The following HPS3 variants were observed in gnomAD, a reference collection of about 807,000 sequenced individuals.
The protein encoded by HPS3 is BLOC-2 complex member HPS3.
A neutral mutation model predicts 110.9 loss-of-function variants in HPS3; 79 were observed. That is an observed-to-expected ratio of 0.71 (90% CI 0.59 to 0.86). The LOEUF is 0.86. Among genes scored for constraint, HPS3 ranks in the 40% least tolerant of loss-of-function variants. The pLI is 0.00. For synonymous variants in HPS3, 428 were observed against 451.0 expected, an observed-to-expected ratio of 0.95 and a Z score of 0.65; for missense variants, 1,197 against 1,206.2, an observed-to-expected ratio of 0.99 and a Z score of 0.11.
intron 8 of HPS3, among the ~76,000 whole-genome samples, chr3:149,156,147 G>C (rs552134311): frequency 3.3e-5 from 5 of 152,272 alleles, no homozygotes; most frequent in African/African-American, 9.6e-5. Flanking sequence ...TATGCACTCT[G>C]TGCTTTCTGT....
At chr3:149,151,587 TAAAAAAAA>T (rs1167453087) in intron 6 of HPS3, among the ~76,000 whole-genome samples, 2 of 40,340 alleles carry the variant, frequency 5.0e-5, no homozygotes, top group Admixed American at 3.4e-4. Context: ...GCTTGGTTTC[TAAAAAAAA>T]AAAAAAAAAA....
rs1724010028 is a variant in HPS3 at position 149,162,790 on chromosome 3, T to C, written c.2393T>C (p.Leu798Pro). ...CTCCCAGATGTGGTACTTCAGGAAC[T>C]CTTTTTCAAACTCACATCACAGTAC... ...ACLPDVVLQE[L>P]FFKLTSQYIW... The change falls in exon 13 of 17, where the codon CTC becomes CCC. Residue 798 changes from leucine (L) to proline (P), a missense_variant. Leu to Pro is a moderately conservative substitution (Grantham distance 98). Transcript: ENST00000296051. The C allele has an allele frequency of 1.2e-6, 2 of 1,613,930 alleles. No individual in the cohort carries two copies. The highest frequency in any genetic ancestry group is 1.7e-6 in the Non-Finnish European group (2 of 1,179,958).
chr3:149,130,249 C>CA (rs1256409214), intron 1 of HPS3: 2 of 481,048 alleles, frequency 4.2e-6, no homozygotes, highest in African/African-American at 2.0e-5. Flanking sequence ...CAAACAACAA[C>CA]AAAAAACTCT....
Position 149,129,763 on chromosome 3 carries a change from C to T in HPS3, c.40C>T (p.Gln14Ter). 6.2e-7 allele frequency: 1 copy of T among 1,607,418 alleles called. No individual in the cohort carries two copies. Among genetic ancestry groups the T allele is most frequent in the African/African-American group, 1.3e-5 (1 of 74,944 alleles). The change falls in exon 1 of 17, where the codon CAG (glutamine) becomes TAG (stop). Residue 14 changes from glutamine (Q) to a stop codon, truncating the protein, a stop_gained. Coordinates refer to ENST00000296051, the MANE Select transcript of HPS3 (RefSeq NM_032383.5). LOFTEE classifies it high-confidence loss of function. ...LYNLHPFGSQ[Q>*]VVPCKLEPDR... Reference sequence around the variant, plus strand: ...CAACCTGCACCCGTTCGGGTCGCAGCAGGTGGTGCCCTGCAAGCTGGAGCC... The same window carrying T: ...CAACCTGCACCCGTTCGGGTCGCAGTAGGTGGTGCCCTGCAAGCTGGAGCC...
At position 149,141,346 on chromosome 3, in the gene HPS3, A is replaced by G. The variant is rs1226124941; in HGVS notation, c.936A>G (p.Leu312=). 9.9e-6 allele frequency: 16 copies of G among 1,613,908 alleles called. No individual in the cohort carries two copies. The highest frequency in any genetic ancestry group is 1.3e-5 in the Non-Finnish European group (15 of 1,179,930). Residue 312 remains leucine, a synonymous_variant, in exon 4 of 17, where the codon CTA becomes CTG. Coordinates refer to ENST00000296051, the MANE Select transcript of HPS3 (RefSeq NM_032383.5). ...SSYVLSDDIK[L]HSLQLLPIYQ... ...ATGTCTTGTCTGATGACATCAAGCTACATTCCCTCCAGCTGCTACCCATTT... is the reference window on the plus strand; with the variant it reads ...ATGTCTTGTCTGATGACATCAAGCTGCATTCCCTCCAGCTGCTACCCATTT...
At chr3:149,154,952 T>C (rs2108154853) in intron 7 of HPS3, among the ~76,000 whole-genome samples, 155 bp from the exon 8 acceptor site, 1 of 152,346 alleles carries the variant, frequency 6.6e-6, no homozygotes, top group Middle Eastern at 3.4e-3. Flanking sequence ...TATTGTGAAC[T>C]AATATTCCAT....
At chr3:149,158,282 G>C (rs1452742471) in intron 9 of HPS3, among the ~76,000 whole-genome samples, 2 of 152,140 alleles carry the variant, frequency 1.3e-5, no homozygotes, top group African/African-American at 4.8e-5. Flanking sequence ...TTATTTTAGA[G>C]TCCGATCATG....
intron 9 of HPS3, 45 bp from the exon 10 acceptor site, chr3:149,158,621 T>G (rs780646096): frequency 6.4e-7 from 1 of 1,566,584 alleles, no homozygotes; most frequent in Non-Finnish European, 8.8e-7. Flanking sequence ...GACCCCGTCT[T>G]TAAAAAAGTG....
rs1417696233 is a variant in HPS3, at chr3:149,172,632, A to C, written c.*410A>C. The C allele has an allele frequency of 6.4e-6, 1 of 155,830 alleles. No individual in the cohort carries two copies. Among genetic ancestry groups the C allele is most frequent in the Non-Finnish European group, 1.4e-5 (1 of 70,188 alleles). The allele number at this position is 155,830 out of a possible 1,614,324, so 9.7% of individuals were successfully genotyped here. A position where few individuals can be genotyped will look rare whatever the true frequency, so the allele number is the denominator to read the frequency against. Reference sequence around the variant, plus strand: ...CAAGTATGCTTGAAAGAATGTCACTAACTGGTCCAGAATTTTATCTTCTTG... The same window carrying C: ...CAAGTATGCTTGAAAGAATGTCACTCACTGGTCCAGAATTTTATCTTCTTG... On this transcript the variant is annotated 3_prime_UTR_variant, in exon 17 of 17. Transcript: ENST00000296051.
At chr3:149,143,944 A>G (rs59959154) in intron 4 of HPS3, among the ~76,000 whole-genome samples, 7,535 of 152,296 alleles carry the variant, frequency 0.049, 243 homozygotes, top group South Asian at 0.14. Flanking sequence ...CGTACCCATC[A>G]AACAGCTTCA....
chr3:149,132,906 A>G (rs1286601305), intron 1 of HPS3, among the ~76,000 whole-genome samples: 1 of 152,214 alleles, frequency 6.6e-6, no homozygotes, highest in Non-Finnish European at 1.5e-5. Context: ...ACTTAGGTGG[A>G]TGAAATAACA....
At chr3:149,131,133 A>C (rs1383813589) in intron 1 of HPS3, among the ~76,000 whole-genome samples, 2 of 150,696 alleles carry the variant, frequency 1.3e-5, no homozygotes, top group African/African-American at 5.0e-5. Context: ...AAAAAAAAAA[A>C]AAAAAAACAA....
Position 149,158,855 on chromosome 3 carries a change from AGTTTTCT to A in HPS3, c.1872+17_1872+23del. The A allele has an allele frequency of 6.5e-7, 1 of 1,537,990 alleles. No individual in the cohort carries two copies. Among genetic ancestry groups the A allele is most frequent in the East Asian group, 2.2e-5 (1 of 44,478 alleles). ...ATGAAGAATTAAATGAAGTGATTAT[AGTTTTCT>A]GTTTTCTATCTAATATTTTTAACAT... On this transcript the variant is annotated intron_variant, in intron 10 of 16. Coordinates refer to ENST00000296051, the MANE Select transcript of HPS3 (RefSeq NM_032383.5).
chr3:149,170,113 AG>A lies in HPS3; in HGVS notation c.2888-1980del, dbSNP rs1724826887. On this transcript the variant is annotated intron_variant, in intron 16 of 16. Coordinates refer to ENST00000296051, the MANE Select transcript of HPS3 (RefSeq NM_032383.5). Reference sequence around the variant, plus strand: ...AATAAAAACCTCAAAGGATTCTAGAAGGAATTAAAGAGAAGTTATACATGAA... The same window carrying A: ...AATAAAAACCTCAAAGGATTCTAGAAGAATTAAAGAGAAGTTATACATGAA... Among the ~76,000 whole-genome samples the A allele has an allele frequency of 2.6e-5, 4 of 152,224 alleles. 1 individual carries two copies. The South Asian group carries it at 8.3e-4, about 32-fold the overall frequency.
chr3:149,157,430 A>C lies in HPS3; in HGVS notation c.1590A>C (p.Arg530=), dbSNP rs778010021. Residue 530 remains arginine (R), a synonymous_variant, in exon 9 of 17, where the codon CGA becomes CGC. Coordinates refer to ENST00000296051, the MANE Select transcript of HPS3 (RefSeq NM_032383.5). ...TCAGTGAGGCTCATCTGTTAGTGCG[A>C]GCTGCCCTGATGGATGCCAGTCAGC... is the stretch of plus-strand genomic sequence containing the variant. ...HLLSEAHLLV[R]AALMDASQLE... is the part of the protein sequence containing the mutation. The C allele has an allele frequency of 2.5e-6, 4 of 1,613,810 alleles. No individual in the cohort carries two copies. The East Asian group carries it at 8.9e-5, about 36-fold the overall frequency.
At chr3:149,154,696 C>A (rs1199319817) in intron 7 of HPS3, among the ~76,000 whole-genome samples, 1 of 152,190 alleles carries the variant, frequency 6.6e-6, no homozygotes, top group Non-Finnish European at 1.5e-5. Context: ...TCATCATATT[C>A]TCAGCAGCCA....
At chr3:149,150,799 TG>T in intron 6 of HPS3, 119 bp downstream of exon 6, 4 of 803,186 alleles carry the variant, frequency 5.0e-6, no homozygotes, top group Non-Finnish European at 6.6e-6. Flanking sequence ...GGTTGTCTAA[TG>T]TATTGAATTA....
Position 149,158,014 on chromosome 3 carries a change from A to G in HPS3, c.1691+483A>G, listed in dbSNP as rs553352270. Among the ~76,000 whole-genome samples, 20 of 152,310 alleles carry G rather than the reference A, an allele frequency of 1.3e-4. No homozygotes were observed. The South Asian group carries it at 1.4e-3, about 11-fold the overall frequency. ...ATGATTATAAATACTACCTTGTTAA[A>G]CAGCTCTAATCATTAGAGAGGTATG... On this transcript the variant is annotated intron_variant, in intron 9 of 16. Coordinates refer to ENST00000296051, the MANE Select transcript of HPS3 (RefSeq NM_032383.5).
Position 149,142,619 on chromosome 3 carries a change from A to G in HPS3, c.970+1239A>G, listed in dbSNP as rs546665766. 3.9e-5 allele frequency among the ~76,000 whole-genome samples: 6 copies of G among 152,278 alleles called. No homozygotes were observed. In the East Asian group the frequency reaches 1.2e-3, roughly 29 times the overall value. On this transcript the variant is annotated intron_variant, in intron 4 of 16. Transcript: ENST00000296051. ...TTAGATGTTATCTAGAGAAAGATACAAATATTATTCCGATTAAATGTGTTT... is the reference window on the plus strand; with the variant it reads ...TTAGATGTTATCTAGAGAAAGATACGAATATTATTCCGATTAAATGTGTTT...
Sources: gnomAD v4.1 joint callset for allele counts (sites outside exome capture counted in the v4.1 genomes callset) on GRCh38, gnomAD v4.1.1 for gene constraint, MANE v1.5 for transcripts, NCBI Gene and HGNC (gene_info 2026-07-23, HGNC 2026-07-21) for gene names.